Variants in PLD5 observed in about 807,000 individuals in gnomAD.
The protein encoded by PLD5 is phospholipase D family member 5.
PLD5 carries 36 observed loss-of-function variants against 61.1 expected under a neutral mutation model. That is an observed-to-expected ratio of 0.59 (90% CI 0.45 to 0.78). The LOEUF is 0.78. Among genes scored for constraint, PLD5 ranks in the 30% least tolerant of loss-of-function variants. The pLI, the probability that PLD5 is intolerant of heterozygous loss-of-function variation, is 0.00. For missense variants in PLD5, 515 were observed against 644.4 expected (o/e 0.80, Z 2.17); for synonymous variants, 243 against 242.8 (o/e 1.00, Z -0.01).
At chr1:242,448,595 A>G (rs1337475338) in intron 1 of PLD5, among the ~76,000 whole-genome samples, 3 of 152,140 alleles carry the variant, frequency 2.0e-5, no homozygotes, top group South Asian at 2.1e-4. Flanking sequence ...TCCTCCTTGT[A>G]TCATGGGTGA....
intron 5 of PLD5, among the ~76,000 whole-genome samples, chr1:242,193,023 A>G (rs1330167098): frequency 1.3e-5 from 2 of 152,138 alleles, no homozygotes; most frequent in African/African-American, 2.4e-5. Flanking sequence ...CCACATCCTC[A>G]GAGAGATCTC....
intron 1 of PLD5, among the ~76,000 whole-genome samples, chr1:242,523,016 G>T (rs1669328159): frequency 6.6e-6 from 1 of 152,182 alleles, no homozygotes; most frequent in Non-Finnish European, 1.5e-5. Context: ...AAGCCTGTTG[G>T]TGCTGCAGAG....
Position 242,508,131 on chromosome 1 carries a change from A to C in PLD5, c.189+15957T>G, listed in dbSNP as rs947381482. 3.3e-5 allele frequency among the ~76,000 whole-genome samples: 5 copies of C among 151,868 alleles called. No individual in the cohort carries two copies. The South Asian group carries it at 1.0e-3, about 31-fold the overall frequency. On this transcript the variant is annotated intron_variant, in intron 1 of 9. Transcript: ENST00000536534. ...GTAATCCCAGCACTTTGGGAGGCCA[A>C]GGTGGGCGGATCACCTGAGGTCAGG...
chr1:242,438,515 G>T (rs1219904124), intron 1 of PLD5, among the ~76,000 whole-genome samples: 2 of 149,344 alleles, frequency 1.3e-5, no homozygotes, highest in African/African-American at 2.5e-5. Flanking sequence ...TGCAATCTTG[G>T]CTCACTGCAA....
intron 1 of PLD5, among the ~76,000 whole-genome samples, chr1:242,427,951 C>T (rs570475005): frequency 3.3e-5 from 5 of 152,236 alleles, no homozygotes; most frequent in Non-Finnish European, 5.9e-5. Context: ...GATGGTAGGA[C>T]CAGGGAGGTT....
intron 3 of PLD5, among the ~76,000 whole-genome samples, chr1:242,269,752 A>G (rs1019698656): frequency 3.9e-5 from 6 of 152,136 alleles, no homozygotes; most frequent in Non-Finnish European, 8.8e-5. Flanking sequence ...TTGTCCTGTT[A>G]TACAGGTAAG....
At chr1:242,440,992 A>C (rs1226172571) in intron 1 of PLD5, among the ~76,000 whole-genome samples, 1 of 152,218 alleles carries the variant, frequency 6.6e-6, no homozygotes, top group Non-Finnish European at 1.5e-5. Context: ...TTTGGAAGGA[A>C]AATTGGAAAA....
intron 1 of PLD5, among the ~76,000 whole-genome samples, chr1:242,492,312 G>T: frequency 6.6e-6 from 1 of 151,768 alleles, no homozygotes; most frequent in East Asian, 1.9e-4. Flanking sequence ...AGGAGTTCGA[G>T]ACCTGCCTGG....
chr1:242,497,354 A>T (rs1462599302), intron 1 of PLD5, among the ~76,000 whole-genome samples: 1 of 152,222 alleles, frequency 6.6e-6, no homozygotes, highest in African/African-American at 2.4e-5. Context: ...ATCAGACATC[A>T]TTCTTTCTTA....
intron 2 of PLD5, among the ~76,000 whole-genome samples, chr1:242,291,874 G>A (rs1387066189): frequency 6.6e-6 from 1 of 152,038 alleles, no homozygotes; most frequent in Non-Finnish European, 1.5e-5. Flanking sequence ...TTGGGGATTG[G>A]GAGAGTATCA....
At chr1:242,399,029 G>A (rs1241721142) in intron 1 of PLD5, among the ~76,000 whole-genome samples, 1 of 152,144 alleles carries the variant, frequency 6.6e-6, no homozygotes, top group Non-Finnish European at 1.5e-5. Context: ...CACATGAGTT[G>A]AACAAGAAGT....
At chr1:242,302,332 C>T (rs1296893923) in intron 2 of PLD5, among the ~76,000 whole-genome samples, 1 of 152,164 alleles carries the variant, frequency 6.6e-6, no homozygotes, top group Non-Finnish European at 1.5e-5. Context: ...GACTCTAGGT[C>T]TTTTTCCTTT....
At chr1:242,247,045 G>C (rs1211700318) in intron 4 of PLD5, among the ~76,000 whole-genome samples, 3 of 149,328 alleles carry the variant, frequency 2.0e-5, no homozygotes, top group African/African-American at 5.0e-5. Context: ...GTGCAGTGGC[G>C]CGATCTCGAC....
intron 5 of PLD5, among the ~76,000 whole-genome samples, chr1:242,148,592 C>T (rs1324682918): frequency 6.6e-6 from 1 of 151,870 alleles, no homozygotes; most frequent in Non-Finnish European, 1.5e-5. Context: ...AACATTATAA[C>T]AATATAGCAT....
intron 5 of PLD5, among the ~76,000 whole-genome samples, chr1:242,201,826 TC>T (rs1669006264): frequency 6.6e-6 from 1 of 152,334 alleles, no homozygotes; most frequent in East Asian, 1.9e-4. Context: ...TAGTAAATTC[TC>T]CACCATTTTG....
chr1:242,274,465 C>T (rs1357129054), intron 3 of PLD5, among the ~76,000 whole-genome samples: 1 of 152,194 alleles, frequency 6.6e-6, no homozygotes, highest in Non-Finnish European at 1.5e-5. Flanking sequence ...CTAAGAAAAG[C>T]AAGCCTTGGC....
intron 5 of PLD5, among the ~76,000 whole-genome samples, chr1:242,143,528 T>C (rs369303410): frequency 1.3e-5 from 2 of 152,218 alleles, no homozygotes; most frequent in Non-Finnish European, 2.9e-5. Context: ...ACCGTATTTA[T>C]AGTTTCAACT....
chr1:242,329,129 G>A (rs557784413), intron 2 of PLD5, among the ~76,000 whole-genome samples: 1 of 152,122 alleles, frequency 6.6e-6, no homozygotes, highest in East Asian at 1.9e-4. Flanking sequence ...TCGTGCCTCA[G>A]CCTTCCGAAT....
chr1:242,455,002 C>T (rs1467731903), intron 1 of PLD5, among the ~76,000 whole-genome samples: 2 of 152,192 alleles, frequency 1.3e-5, no homozygotes, highest in African/African-American at 4.8e-5. Context: ...CCAGCTTTTT[C>T]TCCAAGTGGA....
Sources: allele counts gnomAD v4.1 joint callset (sites outside exome capture counted in the v4.1 genomes callset), GRCh38; gene constraint gnomAD v4.1.1; transcripts MANE v1.5; gene names NCBI Gene and HGNC (gene_info 2026-07-23, HGNC 2026-07-21).